Variants in RASGRF1 observed in about 807,000 individuals in gnomAD.
RASGRF1 encodes the protein ras-specific guanine nucleotide-releasing factor 1.
Under a neutral mutation model 138.7 loss-of-function variants are expected in RASGRF1, and 40 were observed. The observed-to-expected ratio is 0.29, with a 90% CI of 0.22 to 0.38. RASGRF1 has a LOEUF of 0.38. Among genes scored for constraint, RASGRF1 ranks in the 10% least tolerant of loss-of-function variants. The pLI is 1.00. For synonymous variants in RASGRF1, 614 were observed against 663.2 expected (o/e 0.93, Z 1.14); for missense variants, 1,108 against 1,650.4 (o/e 0.67, Z 5.69).
intron 6 of RASGRF1, among the ~76,000 whole-genome samples, chr15:79,034,477 A>G (rs1192955532): frequency 6.6e-6 from 1 of 152,236 alleles, no homozygotes; most frequent in Non-Finnish European, 1.5e-5. Context: ...ACCCATCCCA[A>G]GGAAATGATC....
chr15:78,983,784 C>T (rs1397386749), intron 23 of RASGRF1, among the ~76,000 whole-genome samples: 1 of 152,240 alleles, frequency 6.6e-6, no homozygotes, highest in Non-Finnish European at 1.5e-5. Context: ...CTCTGAGCTC[C>T]TGTGCTCCTG....
At chr15:79,053,148 C>T (rs888298106) in intron 3 of RASGRF1, among the ~76,000 whole-genome samples, 21 of 152,082 alleles carry the variant, frequency 1.4e-4, no homozygotes, top group African/African-American at 5.1e-4. Context: ...ACCTGTAATA[C>T]CAGCTAGTTG....
rs571766088 is a variant in RASGRF1, at chr15:78,986,570, C to G, written c.3217-1366G>C. ...CCATGTTGGCCACGCTGGTCTCGAA[C>G]TCCTGACCTCAAGTGATCTGCCGGC... On this transcript the variant is annotated intron_variant, in intron 22 of 26. Transcript: ENST00000558480. 6.6e-4 allele frequency among the ~76,000 whole-genome samples: 101 copies of G among 152,236 alleles called. 1 individual carries two copies. Among genetic ancestry groups the G allele is most frequent in the Non-Finnish European group, 1.1e-3 (78 of 68,024 alleles).
At chr15:78,978,220 G>GTT (rs71148584) in intron 24 of RASGRF1, among the ~76,000 whole-genome samples, 1,825 of 124,132 alleles carry the variant, frequency 0.015, 49 homozygotes, top group African/African-American at 0.033. Context: ...CTTTTCTTTT[G>GTT]TTTTTTTTTT....
chr15:79,071,364 CTTTT>C (rs71451741), intron 1 of RASGRF1, among the ~76,000 whole-genome samples: 1 of 141,952 alleles, frequency 7.0e-6, no homozygotes. Flanking sequence ...TTTCTTTTTT[CTTTT>C]TTTTTTTTTG....
At chr15:79,077,753 C>G (rs1436003056) in intron 1 of RASGRF1, among the ~76,000 whole-genome samples, 1 of 152,172 alleles carries the variant, frequency 6.6e-6, no homozygotes, top group Non-Finnish European at 1.5e-5. Flanking sequence ...TTCCCCCATC[C>G]TCACTGCCAT....
chr15:79,033,166 T>C (rs1259555772), intron 6 of RASGRF1, among the ~76,000 whole-genome samples: 5 of 152,198 alleles, frequency 3.3e-5, no homozygotes, highest in Non-Finnish European at 7.3e-5. Context: ...TGCCCCCAAG[T>C]CCCAACCAAT....
At chr15:79,055,776 A>G (rs2057502669) in intron 3 of RASGRF1, among the ~76,000 whole-genome samples, 1 of 152,190 alleles carries the variant, frequency 6.6e-6, no homozygotes, top group Non-Finnish European at 1.5e-5. Flanking sequence ...TTCACAGCGC[A>G]AGCCCTACTA....
chr15:79,007,876 T>C (rs1211545926), intron 13 of RASGRF1, among the ~76,000 whole-genome samples: 1 of 151,724 alleles, frequency 6.6e-6, no homozygotes, highest in Non-Finnish European at 1.5e-5. Flanking sequence ...TTTTTTTTTT[T>C]TTCTGTTTTT....
chr15:78,989,363 G>A (rs925661333), intron 22 of RASGRF1, among the ~76,000 whole-genome samples: 1 of 152,186 alleles, frequency 6.6e-6, no homozygotes, highest in East Asian at 1.9e-4. Context: ...GTCTAGAGAA[G>A]GGGGCTGGAG....
chr15:79,035,054 CA>C (rs2057198757), intron 6 of RASGRF1, 76 bp downstream of exon 6: 1 of 1,315,736 alleles, frequency 7.6e-7, no homozygotes, highest in Non-Finnish European at 1.0e-6. Context: ...TCTAGAAGGA[CA>C]AAACTGCCCC....
At position 78,988,003 on chromosome 15, in the gene RASGRF1, G is replaced by A. The variant is rs140571412; in HGVS notation, c.3216+2186C>T. Among the ~76,000 whole-genome samples, 388 of 152,310 alleles carry A rather than the reference G, an allele frequency of 2.5e-3. 3 individuals carry two copies. The highest frequency in any genetic ancestry group is 9.1e-3 in the African/African-American group (378 of 41,566). Reference sequence around the variant, plus strand: ...AAAACAGCAAATAGAACTGTGCCAGGGAGAGACGAGGAAAATCATTGTTGT... The same window carrying A: ...AAAACAGCAAATAGAACTGTGCCAGAGAGAGACGAGGAAAATCATTGTTGT... On this transcript the variant is annotated intron_variant, in intron 22 of 26. Transcript: ENST00000558480.
At chr15:79,079,878 G>A (rs974598365) in intron 1 of RASGRF1, among the ~76,000 whole-genome samples, 2 of 152,198 alleles carry the variant, frequency 1.3e-5, no homozygotes, top group African/African-American at 2.4e-5. Context: ...GCTGCACCCT[G>A]TGTTATCTGG....
intron 3 of RASGRF1, among the ~76,000 whole-genome samples, chr15:79,051,126 C>CGCAAA (rs1357760270): frequency 6.6e-6 from 1 of 152,210 alleles, no homozygotes. Context: ...CGAACAAAGC[C>CGCAAA]GCAAAGCCCA....
chr15:79,021,591 G>C (rs191146218), intron 10 of RASGRF1, among the ~76,000 whole-genome samples: 85 of 152,318 alleles, frequency 5.6e-4, no homozygotes, highest in African/African-American at 1.9e-3. Context: ...AGGACTTAAG[G>C]CATTCTATTG....
At position 79,006,526 on chromosome 15, in the gene RASGRF1, A is replaced by T; in HGVS notation, c.1827-92T>A. On this transcript the variant is annotated intron_variant, in intron 13 of 26. Coordinates refer to ENST00000558480, the MANE Select transcript of RASGRF1 (RefSeq NM_001145648.3). This position sits in a 1 kb window ranked among gnomAD's most constrained non-coding sequence, Gnocchi z 4.0. ...CTGCTCATCACTGCTTCCCCCACAC[A>T]CTGACAACACAGGATGGTCTTATTA... 7.0e-7 allele frequency: 1 copy of T among 1,432,096 alleles called. No homozygotes were observed. The highest frequency in any genetic ancestry group is 1.3e-5 in the South Asian group (1 of 76,530). 88.7% of individuals were successfully genotyped at this position (1,432,096 alleles called of 1,614,324 possible). A position where few individuals can be genotyped will look rare whatever the true frequency, so the allele number is the denominator to read the frequency against.
At chr15:79,063,699 C>G (rs1373032057) in intron 2 of RASGRF1, among the ~76,000 whole-genome samples, 1 of 152,180 alleles carries the variant, frequency 6.6e-6, no homozygotes, top group Non-Finnish European at 1.5e-5. Flanking sequence ...CTATTATCCA[C>G]TAAGGTAGAA....
At chr15:79,015,659 T>G (rs2056868350) in intron 12 of RASGRF1, among the ~76,000 whole-genome samples, 1 of 152,212 alleles carries the variant, frequency 6.6e-6, no homozygotes, top group Non-Finnish European at 1.5e-5. Context: ...ATATGCAAAG[T>G]GGGGATAATG....
chr15:79,018,359 A>T (rs1346011911), intron 11 of RASGRF1, among the ~76,000 whole-genome samples: 2 of 152,256 alleles, frequency 1.3e-5, no homozygotes, highest in Admixed American at 1.3e-4. Context: ...TGGGCTGGAC[A>T]TTTAGTTCAG....
Sources: gnomAD v4.1 joint callset for allele counts (sites outside exome capture counted in the v4.1 genomes callset) on GRCh38, gnomAD v4.1.1 for gene constraint, Gnocchi (gnomAD v3.1) non-coding constraint, MANE v1.5 for transcripts, NCBI Gene and HGNC (gene_info 2026-07-23, HGNC 2026-07-21) for gene names.